EPHA6: variants seen among roughly 807,000 people sequenced by gnomAD.
EPHA6 encodes the protein ephrin type-A receptor 6.
A neutral mutation model predicts 112.0 loss-of-function variants in EPHA6; 50 were observed. The ratio of observed to expected loss-of-function variants is 0.45; its 90% CI spans 0.36 to 0.56. The LOEUF (loss-of-function observed/expected upper bound fraction) is 0.56, where lower values mean the gene tolerates loss of function less well. Ranked by LOEUF, EPHA6 falls within the 20% of genes least tolerant of loss-of-function variation. The probability of loss-of-function intolerance (pLI) is 0.00; values close to 1 mark genes in which losing one functional copy is unlikely to be tolerated. For synonymous variants in EPHA6, 529 were observed against 490.7 expected, an observed-to-expected ratio of 1.08 and a Z score of -1.03; for missense variants, 1,280 against 1,417.4, an observed-to-expected ratio of 0.90 and a Z score of 1.56.
chr3:97,069,755 CTTATA>C (rs2046296252), intron 3 of EPHA6, among the ~76,000 whole-genome samples: 1 of 151,904 alleles, frequency 6.6e-6, no homozygotes, highest in South Asian at 2.1e-4. Flanking sequence ...AATAAATATG[CTTATA>C]TTAGATGCTC....
rs34282025 is a variant in EPHA6 at position 97,299,183 on chromosome 3, ATGTGTG to A, written c.1606+54920_1606+54925del. Among the ~76,000 whole-genome samples, 448 of 144,582 alleles carry A rather than the reference ATGTGTG, an allele frequency of 3.1e-3. 3 individuals carry two copies. The highest frequency in any genetic ancestry group is 8.3e-3 in the African/African-American group (331 of 39,922). The allele number at this position is 144,582 out of a possible 152,430, so 94.9% of individuals were successfully genotyped here. A position where few individuals can be genotyped will look rare whatever the true frequency, so the allele number is the denominator to read the frequency against. ...GGACGGTTTTGCACTGATGATCAGG[ATGTGTG>A]TGTGTGTGTGTGTGTGTGTGTGTAG... On this transcript the variant is annotated intron_variant, in intron 5 of 17. Transcript: ENST00000389672.
rs578079034 is a variant in EPHA6, at chr3:97,252,420, C to T, written c.1606+8133C>T. Among the ~76,000 whole-genome samples, 14 of 152,146 alleles carry T rather than the reference C, an allele frequency of 9.2e-5. No individual in the cohort carries two copies. The South Asian group carries it at 2.5e-3, about 27-fold the overall frequency. On this transcript the variant is annotated intron_variant, in intron 5 of 17. Coordinates refer to ENST00000389672, the MANE Select transcript of EPHA6 (RefSeq NM_001080448.3). ...CTACACACACACACTCACACACATA[C>T]ACACACACACGCGCGCGCACGCACA...
At chr3:97,071,442 T>TA (rs2046353564) in intron 3 of EPHA6, among the ~76,000 whole-genome samples, 1 of 152,012 alleles carries the variant, frequency 6.6e-6, no homozygotes, top group African/African-American at 2.4e-5. Context: ...TAATTGGACT[T>TA]ACAGTTCCAC....
chr3:96,937,470 G>A (rs1176473456), intron 2 of EPHA6, among the ~76,000 whole-genome samples: 3 of 149,606 alleles, frequency 2.0e-5, no homozygotes, highest in South Asian at 2.1e-4. Flanking sequence ...TTTTTCTTGT[G>A]AATTTGTTGG....
chr3:97,210,914 G>A (rs1282528277), intron 3 of EPHA6, among the ~76,000 whole-genome samples: 1 of 152,132 alleles, frequency 6.6e-6, no homozygotes, highest in Non-Finnish European at 1.5e-5. Flanking sequence ...ATTGGTGCTG[G>A]TTTTCAACCA....
At chr3:96,909,705 A>C (rs558874484) in intron 2 of EPHA6, among the ~76,000 whole-genome samples, 1 of 151,940 alleles carries the variant, frequency 6.6e-6, no homozygotes, top group Non-Finnish European at 1.5e-5. Context: ...ATAGTGCCTT[A>C]AGGTGTTCAG....
chr3:97,129,149 A>G (rs1048224764), intron 3 of EPHA6, among the ~76,000 whole-genome samples: 3 of 151,874 alleles, frequency 2.0e-5, no homozygotes, highest in African/African-American at 7.3e-5. Context: ...GAGCCACCGT[A>G]CTCATTAGAA....
intron 2 of EPHA6, among the ~76,000 whole-genome samples, chr3:96,938,277 A>G (rs2107677201): frequency 6.6e-6 from 1 of 152,132 alleles, no homozygotes; most frequent in South Asian, 2.1e-4. Context: ...ATCCTCTTTT[A>G]TTTCCTTGAG....
intron 5 of EPHA6, among the ~76,000 whole-genome samples, chr3:97,250,530 A>T (rs2079105639): frequency 6.6e-6 from 1 of 152,238 alleles, no homozygotes; most frequent in South Asian, 2.1e-4. Context: ...TGTACGAATT[A>T]AAAAATAGTC....
At chr3:96,949,088 A>G (rs182604207) in intron 2 of EPHA6, among the ~76,000 whole-genome samples, 8 of 152,292 alleles carry the variant, frequency 5.3e-5, no homozygotes, top group Non-Finnish European at 7.4e-5. Flanking sequence ...GTTGCACTTG[A>G]TTGCTAAATC....
At chr3:97,206,507 A>G (rs1161113905) in intron 3 of EPHA6, among the ~76,000 whole-genome samples, 4 of 151,902 alleles carry the variant, frequency 2.6e-5, no homozygotes, top group Non-Finnish European at 5.9e-5. Flanking sequence ...ACTCATTTCC[A>G]TGCTTACATC....
intron 6 of EPHA6, among the ~76,000 whole-genome samples, chr3:97,415,573 A>C (rs1383845355): frequency 6.6e-6 from 1 of 152,042 alleles, no homozygotes. Context: ...ATGGTCAAAA[A>C]CTTGACCATA....
Position 97,424,560 on chromosome 3 carries a change from T to G in EPHA6, c.1731+19286T>G, listed in dbSNP as rs780926380. On this transcript the variant is annotated intron_variant, in intron 6 of 17. Transcript: ENST00000389672. The stretch of plus-strand genomic sequence containing the variant: ...TGGTCATGCCTGTAATCCCAGCATT[T>G]TGGAAGGCCAAGGCGGGCAGATTAC... 6.0e-4 allele frequency among the ~76,000 whole-genome samples: 91 copies of G among 152,010 alleles called. 1 individual carries two copies. Among genetic ancestry groups the G allele is most frequent in the South Asian group, 4.1e-4 (2 of 4,826 alleles).
intron 15 of EPHA6, among the ~76,000 whole-genome samples, chr3:97,732,170 G>A (rs534246674): frequency 1.4e-4 from 21 of 151,484 alleles, no homozygotes; most frequent in African/African-American, 4.1e-4. Context: ...ATAATTTTAC[G>A]TAACCTCCCA....
chr3:97,292,962 C>A (rs2080744214), intron 5 of EPHA6, among the ~76,000 whole-genome samples: 1 of 151,598 alleles, frequency 6.6e-6, no homozygotes, highest in Non-Finnish European at 1.5e-5. Flanking sequence ...CACCGAGCAT[C>A]CAGTTCTCAG....
chr3:97,201,319 T>G (rs1049910907), intron 3 of EPHA6, among the ~76,000 whole-genome samples: 2 of 152,124 alleles, frequency 1.3e-5, no homozygotes, highest in African/African-American at 4.8e-5. Context: ...GAAAATTGTC[T>G]GGGGTATCTT....
chr3:97,613,134 C>T (rs562954544), intron 13 of EPHA6, among the ~76,000 whole-genome samples: 2 of 152,068 alleles, frequency 1.3e-5, no homozygotes, highest in South Asian at 4.2e-4. Flanking sequence ...AATGTTCTTA[C>T]CCTTCTTTGT....
intron 2 of EPHA6, among the ~76,000 whole-genome samples, chr3:96,935,870 A>G (rs1208258268): frequency 6.6e-6 from 1 of 151,816 alleles, no homozygotes; most frequent in Non-Finnish European, 1.5e-5. Context: ...TGAGGATATT[A>G]TTAATATGAC....
intron 11 of EPHA6, among the ~76,000 whole-genome samples, chr3:97,569,323 T>A (rs2093306812): frequency 6.6e-6 from 1 of 152,176 alleles, no homozygotes; most frequent in South Asian, 2.1e-4. Context: ...AAAGATAAAG[T>A]AATAAATGAA....
Sources: gnomAD v4.1 joint callset for allele counts (sites outside exome capture counted in the v4.1 genomes callset) on GRCh38, gnomAD v4.1.1 for gene constraint, MANE v1.5 for transcripts, NCBI Gene and HGNC (gene_info 2026-07-23, HGNC 2026-07-21) for gene names.